TMEM178B: variants seen among roughly 807,000 people sequenced by gnomAD.
TMEM178B encodes the protein transmembrane protein 178B.
In TMEM178B, 5 loss-of-function variants were observed where a neutral mutation model predicts 31.0. That is an observed-to-expected ratio of 0.16 (90% CI 0.08 to 0.34). TMEM178B has a LOEUF of 0.34. TMEM178B is among the 10% of genes least tolerant of loss of function. The probability of loss-of-function intolerance (pLI) is 1.00; values close to 1 mark genes in which losing one functional copy is unlikely to be tolerated. For synonymous variants in TMEM178B, 164 were observed against 164.0 expected, an observed-to-expected ratio of 1.00 and a Z score of 0.00; for missense variants, 275 against 400.3, an observed-to-expected ratio of 0.69 and a Z score of 2.67.
intron 1 of TMEM178B, among the ~76,000 whole-genome samples, chr7:141,103,954 G>A (rs1048250334): frequency 3.9e-5 from 6 of 152,164 alleles, no homozygotes; most frequent in African/African-American, 1.2e-4. Flanking sequence ...ACTGTTGACA[G>A]AAGAGTATCT....
intron 1 of TMEM178B, among the ~76,000 whole-genome samples, chr7:141,134,958 A>T (rs954785646): frequency 6.6e-6 from 1 of 152,154 alleles, no homozygotes; most frequent in Non-Finnish European, 1.5e-5. Flanking sequence ...GGTCTTTCCC[A>T]TGCTGTTCTT....
intron 1 of TMEM178B, among the ~76,000 whole-genome samples, chr7:141,091,325 A>G (rs1794876816): frequency 6.6e-6 from 1 of 152,172 alleles, no homozygotes; most frequent in Non-Finnish European, 1.5e-5. Context: ...ATGGTGGGTA[A>G]CCCTTTCACT....
chr7:141,411,780 C>T (rs1005075056), intron 2 of TMEM178B, among the ~76,000 whole-genome samples: 2 of 152,178 alleles, frequency 1.3e-5, no homozygotes, highest in African/African-American at 4.8e-5. Context: ...AAACGGTTGA[C>T]ATTTTTCTTA....
the TMEM178B span, among the ~76,000 whole-genome samples, chr7:141,509,645 C>G: frequency 6.6e-6 from 1 of 152,088 alleles, no homozygotes; most frequent in Non-Finnish European, 1.5e-5. Flanking sequence ...ACAGAGATTC[C>G]TTCTCAAAAA....
intron 1 of TMEM178B, among the ~76,000 whole-genome samples, chr7:141,123,775 CAG>C (rs1795446119): frequency 6.6e-6 from 1 of 151,832 alleles, no homozygotes; most frequent in African/African-American, 2.4e-5. Context: ...TTTTTTGAGA[CAG>C]AGTCTCAATC....
At chr7:141,228,562 A>G (rs1242024845) in intron 2 of TMEM178B, among the ~76,000 whole-genome samples, 1 of 152,134 alleles carries the variant, frequency 6.6e-6, no homozygotes, top group Non-Finnish European at 1.5e-5. Flanking sequence ...GAGCTTATTA[A>G]AATTACATGG....
At chr7:141,447,811 G>A (rs1801788268) in intron 3 of TMEM178B, among the ~76,000 whole-genome samples, 1 of 152,006 alleles carries the variant, frequency 6.6e-6, no homozygotes, top group Admixed American at 6.6e-5. Flanking sequence ...AATTTGTGGG[G>A]CCCAGTGCAG....
chr7:141,130,905 T>C (rs1795583725), intron 1 of TMEM178B, among the ~76,000 whole-genome samples: 1 of 152,208 alleles, frequency 6.6e-6, no homozygotes, highest in Admixed American at 6.5e-5. Context: ...AAACTGAGTA[T>C]GTGATCAGTC....
At chr7:141,260,828 G>A (rs572697418) in intron 2 of TMEM178B, among the ~76,000 whole-genome samples, 1 of 152,264 alleles carries the variant, frequency 6.6e-6, no homozygotes, top group African/African-American at 2.4e-5. Context: ...AGATATCAGA[G>A]GAATTTTACA....
chr7:141,355,902 G>T (rs932510284), intron 2 of TMEM178B, among the ~76,000 whole-genome samples: 1 of 152,066 alleles, frequency 6.6e-6, no homozygotes, highest in African/African-American at 2.4e-5. Flanking sequence ...ATTGTCTATT[G>T]TTTCCATCTT....
intron 3 of TMEM178B, among the ~76,000 whole-genome samples, chr7:141,450,722 A>T (rs1232697293): frequency 2.0e-5 from 3 of 152,176 alleles, no homozygotes; most frequent in African/African-American, 7.2e-5. Context: ...GAAGAAGATG[A>T]GCCGACAACC....
chr7:141,361,669 A>G (rs1799920775), intron 2 of TMEM178B, among the ~76,000 whole-genome samples: 1 of 152,160 alleles, frequency 6.6e-6, no homozygotes, highest in African/African-American at 2.4e-5. Context: ...TTTTAGCCTC[A>G]TGTGTTCTCT....
At chr7:141,416,504 T>C (rs982579209) in intron 2 of TMEM178B, 1 of 152,332 alleles carries the variant, frequency 6.6e-6, no homozygotes, top group Non-Finnish European at 1.5e-5. Flanking sequence ...TGGCTATCAA[T>C]ATATAAACAT....
intron 2 of TMEM178B, among the ~76,000 whole-genome samples, chr7:141,377,227 A>AGGCT (rs550946020): frequency 0.013 from 1,987 of 151,648 alleles, 19 homozygotes; most frequent in Middle Eastern, 0.024. Context: ...CTTGTCACCC[A>AGGCT]GGCTGGAGTG....
intron 2 of TMEM178B, among the ~76,000 whole-genome samples, chr7:141,285,712 G>A (rs775686547): frequency 2.0e-5 from 3 of 152,170 alleles, no homozygotes; most frequent in Non-Finnish European, 4.4e-5. Flanking sequence ...ATCAATGATA[G>A]ATTGGATAAA....
intron 1 of TMEM178B, among the ~76,000 whole-genome samples, chr7:141,115,573 A>C (rs1795305472): frequency 6.6e-6 from 1 of 152,220 alleles, no homozygotes; most frequent in Non-Finnish European, 1.5e-5. Context: ...TTTAAAACTT[A>C]GAGGCTATTG....
At chr7:141,114,157 T>A (rs1795279780) in intron 1 of TMEM178B, among the ~76,000 whole-genome samples, 1 of 152,252 alleles carries the variant, frequency 6.6e-6, no homozygotes, top group South Asian at 2.1e-4. Flanking sequence ...ACACACCTCC[T>A]TTCAGCATAG....
chr7:141,372,902 G>A (rs1800144361), intron 2 of TMEM178B, among the ~76,000 whole-genome samples: 2 of 152,220 alleles, frequency 1.3e-5, no homozygotes, highest in Admixed American at 6.5e-5. Context: ...GGAGGCAGCG[G>A]TGATGAGGAA....
At chr7:141,404,877 G>T (rs1235589650) in intron 2 of TMEM178B, among the ~76,000 whole-genome samples, 3 of 152,152 alleles carry the variant, frequency 2.0e-5, no homozygotes, top group Admixed American at 6.5e-5. Context: ...CTGATGTCTT[G>T]TCCAGCGCTG....
Sources: allele counts gnomAD v4.1 joint callset (sites outside exome capture counted in the v4.1 genomes callset), GRCh38; gene constraint gnomAD v4.1.1; transcripts MANE v1.5; gene names NCBI Gene and HGNC (gene_info 2026-07-23, HGNC 2026-07-21).